Variants in IL7 observed in about 807,000 individuals in gnomAD.
IL7 encodes interleukin 7, also known as interleukin-7.
In IL7, 3 loss-of-function variants were observed where a neutral mutation model predicts 21.6. The ratio of observed to expected loss-of-function variants is 0.14; its 90% CI spans 0.06 to 0.36. IL7 has a LOEUF of 0.36. Ranked by LOEUF, IL7 falls within the 10% of genes least tolerant of loss-of-function variation. The pLI, the probability that IL7 is intolerant of heterozygous loss-of-function variation, is 1.00. For missense variants in IL7, 175 were observed against 200.2 expected, an observed-to-expected ratio of 0.87 and a Z score of 0.76; for synonymous variants, 62 against 68.1, an observed-to-expected ratio of 0.91 and a Z score of 0.44.
At chr8:78,785,168 A>G (rs1251310559) in intron 2 of IL7, among the ~76,000 whole-genome samples, 1 of 152,096 alleles carries the variant, frequency 6.6e-6, no homozygotes, top group African/African-American at 2.4e-5. Flanking sequence ...CTTAGTAACA[A>G]TCATGTTGAA....
intron 3 of IL7, among the ~76,000 whole-genome samples, chr8:78,726,331 A>T (rs1444527546): frequency 6.6e-6 from 1 of 151,996 alleles, no homozygotes; most frequent in Non-Finnish European, 1.5e-5. Context: ...TATTTCATGA[A>T]AAGGGTTAAA....
downstream of IL7, among the ~76,000 whole-genome samples, chr8:78,731,646 A>G (rs1202712572): frequency 1.3e-5 from 2 of 151,996 alleles, no homozygotes; most frequent in Non-Finnish European, 2.9e-5. Context: ...GTTTATTGAG[A>G]TAAATCTCTA....
chr8:78,803,073 G>A (rs982866950), intron 1 of IL7, among the ~76,000 whole-genome samples: 3 of 152,112 alleles, frequency 2.0e-5, no homozygotes, highest in African/African-American at 7.2e-5. Flanking sequence ...TCTATGAAAT[G>A]GCCTTTTCCA....
At chr8:78,739,869 T>C in intron 3 of IL7, 133 bp downstream of exon 3, 1 of 762,760 alleles carries the variant, frequency 1.3e-6, no homozygotes, top group Non-Finnish European at 1.8e-6. Flanking sequence ...CATAGTATGA[T>C]TTAATCAATG....
At chr8:78,698,451 T>C (rs1315494289) in intron 3 of IL7, 1 of 1,613,338 alleles carries the variant, frequency 6.2e-7, no homozygotes, top group Non-Finnish European at 8.5e-7. Context: ...GTAGCAGCTC[T>C]TTGGGAAACA....
chr8:78,676,018 T>C, exon 5 of IL7: 1 of 488,838 alleles, frequency 2.0e-6, no homozygotes. Flanking sequence ...AGCTATGCCA[T>C]TCTTCCAGAA....
intron 4 of IL7, among the ~76,000 whole-genome samples, chr8:78,681,752 G>T (rs1167438201): frequency 1.3e-5 from 2 of 151,966 alleles, no homozygotes; most frequent in African/African-American, 4.8e-5. Context: ...TATCTGTTTT[G>T]TTGTGTTTTC....
chr8:78,700,473 A>T (rs985043011), intron 3 of IL7, among the ~76,000 whole-genome samples: 1 of 151,960 alleles, frequency 6.6e-6, no homozygotes, highest in African/African-American at 2.4e-5. Flanking sequence ...TACTCTGTTG[A>T]TAGTTTCTTT....
intron 2 of IL7, among the ~76,000 whole-genome samples, chr8:78,788,221 T>G (rs1275286231): frequency 6.6e-6 from 1 of 152,080 alleles, no homozygotes. Context: ...TTTCATTGAT[T>G]TTCCTCTACT....
chr8:78,685,012 G>T (rs1413135679), intron 4 of IL7, among the ~76,000 whole-genome samples: 12 of 151,998 alleles, frequency 7.9e-5, no homozygotes, highest in African/African-American at 2.4e-5. Context: ...TTATATACAT[G>T]AACTAGGAAA....
At chr8:78,675,740 C>T, downstream of IL7, 3 of 1,473,684 alleles carry the variant, frequency 2.0e-6, no homozygotes, top group Non-Finnish European at 2.8e-6. Flanking sequence ...TGAAGTTTCA[C>T]AATTTCAAGT....
chr8:78,770,687 G>A (rs998248950), intron 2 of IL7, among the ~76,000 whole-genome samples: 8 of 150,650 alleles, frequency 5.3e-5, no homozygotes, highest in Admixed American at 3.3e-4. Flanking sequence ...GCAAAGACAC[G>A]CACACACACA....
rs1055751044 is a variant in IL7 at position 78,805,056 on chromosome 8, A to G, written c.-134T>C. 4 of 922,950 alleles carry G rather than the reference A, an allele frequency of 4.3e-6. No individual in the cohort carries two copies. Among genetic ancestry groups the G allele is most frequent in the East Asian group, 2.9e-5 (1 of 34,590 alleles). 57.2% of individuals were successfully genotyped at this position (922,950 alleles called of 1,614,324 possible). The stretch of plus-strand genomic sequence containing the variant: ...CTGTGTTGGGCAGGGTGATCTCTGC[A>G]GCTGGTTCCTCTTACCCACGCCGCG... On this transcript the variant is annotated 5_prime_UTR_variant, in exon 1 of 6. Coordinates refer to ENST00000263851, the MANE Select transcript of IL7 (RefSeq NM_000880.4).
At chr8:78,759,193 A>G (rs80169806) in intron 2 of IL7, among the ~76,000 whole-genome samples, 2,880 of 135,992 alleles carry the variant, frequency 0.021, 86 homozygotes, top group African/African-American at 0.076. Context: ...TGAATTATTT[A>G]TTTCCAGGAT....
At chr8:78,777,608 T>C (rs902725233) in intron 2 of IL7, among the ~76,000 whole-genome samples, 2 of 152,066 alleles carry the variant, frequency 1.3e-5, no homozygotes, top group Admixed American at 1.3e-4. Flanking sequence ...GAGTTTTCCA[T>C]TGTATTTTCA....
intron 3 of IL7, among the ~76,000 whole-genome samples, chr8:78,700,731 A>G (rs546945344): frequency 2.2e-4 from 34 of 152,238 alleles, no homozygotes; most frequent in African/African-American, 7.2e-4. Context: ...TTGCTAGCCA[A>G]TTATCCCAGC....
intron 1 of IL7, among the ~76,000 whole-genome samples, chr8:78,800,595 G>A (rs965079115): frequency 6.6e-6 from 1 of 152,070 alleles, no homozygotes; most frequent in African/African-American, 2.4e-5. Flanking sequence ...TTACAAGCCC[G>A]GCCATACCAC....
intron 4 of IL7, 89 bp downstream of exon 4, chr8:78,738,415 T>C (rs199578784): frequency 5.5e-6 from 6 of 1,092,252 alleles, no homozygotes; most frequent in East Asian, 5.0e-5. Flanking sequence ...TAGGATTCTA[T>C]GATAATGGAT....
chr8:78,736,406 G>C, intron 5 of IL7, 68 bp downstream of exon 5: 1 of 925,748 alleles, frequency 1.1e-6, no homozygotes, highest in African/African-American at 1.7e-5. Flanking sequence ...AATTCAAAAT[G>C]AAAAATTAGG....
Sources: allele counts gnomAD v4.1 joint callset (sites outside exome capture counted in the v4.1 genomes callset), GRCh38; gene constraint gnomAD v4.1.1; transcripts MANE v1.5; gene names NCBI Gene and HGNC (gene_info 2026-07-23, HGNC 2026-07-21).